The following GPC5 variants were observed in gnomAD, a reference collection of about 807,000 sequenced individuals.
GPC5 encodes the protein glypican-5.
A neutral mutation model predicts 53.9 loss-of-function variants in GPC5; 47 were observed. That is an observed-to-expected ratio of 0.87 (90% CI 0.69 to 1.11). The LOEUF (loss-of-function observed/expected upper bound fraction) is 1.11. GPC5 is among the 50% of genes most tolerant of loss of function. The pLI is 0.00. For synonymous variants in GPC5, 286 were observed against 263.3 expected (o/e 1.09, Z -0.84); for missense variants, 748 against 713.1 (o/e 1.05, Z -0.56).
chr13:92,786,152 A>G (rs1566417878), intron 7 of GPC5, among the ~76,000 whole-genome samples: 1 of 152,178 alleles, frequency 6.6e-6, no homozygotes, highest in Non-Finnish European at 1.5e-5. Context: ...AAATCTTTAT[A>G]TTGCTAAGCC....
At chr13:91,558,711 C>T (rs2031092206) in intron 2 of GPC5, among the ~76,000 whole-genome samples, 1 of 152,032 alleles carries the variant, frequency 6.6e-6, no homozygotes, top group African/African-American at 2.4e-5. Flanking sequence ...TACGTTGAGA[C>T]TGTTGCCGTC....
At chr13:92,404,320 G>A (rs1313860504) in intron 7 of GPC5, among the ~76,000 whole-genome samples, 1 of 152,142 alleles carries the variant, frequency 6.6e-6, no homozygotes, top group Non-Finnish European at 1.5e-5. Flanking sequence ...TAGTCATGTT[G>A]ACGTCTGTGT....
At chr13:91,660,630 A>T (rs888926211) in intron 2 of GPC5, among the ~76,000 whole-genome samples, 3 of 152,234 alleles carry the variant, frequency 2.0e-5, no homozygotes, top group Non-Finnish European at 2.9e-5. Flanking sequence ...TTGCAGCAAT[A>T]GTTAACTAAT....
At chr13:92,261,204 A>G (rs2042764610) in intron 7 of GPC5, among the ~76,000 whole-genome samples, 2 of 152,162 alleles carry the variant, frequency 1.3e-5, no homozygotes. Flanking sequence ...ACTGAACACT[A>G]GTTACCAAAT....
intron 1 of GPC5, 62 bp from the exon 2 acceptor site, chr13:91,448,699 T>C (rs1880968179): frequency 1.3e-6 from 2 of 1,541,248 alleles, no homozygotes; most frequent in Admixed American, 1.9e-5. Context: ...ACGCCTGATA[T>C]ATAATATGTA....
At chr13:92,107,813 C>T (rs1011752291) in intron 6 of GPC5, among the ~76,000 whole-genome samples, 1 of 152,130 alleles carries the variant, frequency 6.6e-6, no homozygotes, top group Non-Finnish European at 1.5e-5. Context: ...TCAAGCTCTA[C>T]CTCATTACTA....
chr13:92,433,558 G>C (rs986653600), intron 7 of GPC5, among the ~76,000 whole-genome samples: 1 of 152,168 alleles, frequency 6.6e-6, no homozygotes, highest in Non-Finnish European at 1.5e-5. Context: ...GTATGGAGGA[G>C]CAGACAGTTG....
At chr13:92,337,033 C>T (rs182340524) in intron 7 of GPC5, among the ~76,000 whole-genome samples, 38 of 152,210 alleles carry the variant, frequency 2.5e-4, no homozygotes, top group Non-Finnish European at 5.6e-4. Context: ...TCAGTTATCT[C>T]CCACTGGGTC....
At chr13:91,408,083 T>C (rs1472493460) in intron 1 of GPC5, among the ~76,000 whole-genome samples, 1 of 152,106 alleles carries the variant, frequency 6.6e-6, no homozygotes, top group Non-Finnish European at 1.5e-5. Flanking sequence ...TTCACTCTCT[T>C]AGCATTTTTC....
At chr13:91,422,924 G>C (rs754619456) in intron 1 of GPC5, among the ~76,000 whole-genome samples, 1 of 152,198 alleles carries the variant, frequency 6.6e-6, no homozygotes, top group Non-Finnish European at 1.5e-5. Context: ...AAGGCCTCAT[G>C]TCTTAATACT....
chr13:92,069,980 A>G (rs1057397853), intron 6 of GPC5, among the ~76,000 whole-genome samples: 1 of 152,186 alleles, frequency 6.6e-6, no homozygotes, highest in African/African-American at 2.4e-5. Flanking sequence ...ATCATGAATC[A>G]TATTAAAAGG....
chr13:91,402,319 T>C (rs1447331511), intron 1 of GPC5, among the ~76,000 whole-genome samples: 2 of 152,212 alleles, frequency 1.3e-5, no homozygotes, highest in African/African-American at 4.8e-5. Flanking sequence ...AAAAATAAAC[T>C]CTTGACATGG....
intron 5 of GPC5, among the ~76,000 whole-genome samples, chr13:91,792,688 T>C (rs2037985654): frequency 6.6e-6 from 1 of 152,192 alleles, no homozygotes; most frequent in Non-Finnish European, 1.5e-5. Context: ...TTAGGTTAGG[T>C]CAGCTGTTTC....
At chr13:92,749,532 T>C (rs147557854) in intron 7 of GPC5, among the ~76,000 whole-genome samples, 25 of 152,264 alleles carry the variant, frequency 1.6e-4, no homozygotes, top group Middle Eastern at 6.8e-3. Flanking sequence ...ATTAAATGAA[T>C]ATATCATTTA....
At chr13:91,403,988 A>C (rs1357740819) in intron 1 of GPC5, among the ~76,000 whole-genome samples, 1 of 152,174 alleles carries the variant, frequency 6.6e-6, no homozygotes, top group Non-Finnish European at 1.5e-5. Context: ...CGAGTGTCCA[A>C]CATCCTATAG....
rs151037277 is a variant in GPC5, at chr13:92,268,588, G to A, written c.1561+123599G>A. ...TATTTAGGTAATATCTTTTTTTTTT[G>A]CTATTATACACGCTCATAAAAAACT... On this transcript the variant is annotated intron_variant, in intron 7 of 7. Coordinates refer to ENST00000377067, the MANE Select transcript of GPC5 (RefSeq NM_004466.6). 2.9e-3 allele frequency among the ~76,000 whole-genome samples: 424 copies of A among 147,482 alleles called. 2 individuals carry two copies. Among genetic ancestry groups the A allele is most frequent in the African/African-American group, 9.8e-3 (395 of 40,246 alleles).
chr13:92,311,244 T>C (rs770516988), intron 7 of GPC5, among the ~76,000 whole-genome samples: 8 of 152,184 alleles, frequency 5.3e-5, no homozygotes, highest in Admixed American at 3.9e-4. Flanking sequence ...TTATTCAAAC[T>C]ATTTTTCAAG....
intron 7 of GPC5, among the ~76,000 whole-genome samples, chr13:92,568,325 A>G (rs1476453062): frequency 6.6e-6 from 1 of 152,216 alleles, no homozygotes; most frequent in Admixed American, 6.5e-5. Flanking sequence ...TAGACAGTTC[A>G]CCATACTTAG....
At chr13:91,704,404 C>A (rs879670763) in intron 3 of GPC5, among the ~76,000 whole-genome samples, 9 of 152,202 alleles carry the variant, frequency 5.9e-5, no homozygotes, top group Non-Finnish European at 8.8e-5. Flanking sequence ...CCACCCCCGC[C>A]ACAGAGCATT....
Sources: allele counts gnomAD v4.1 joint callset (sites outside exome capture counted in the v4.1 genomes callset), GRCh38; gene constraint gnomAD v4.1.1; transcripts MANE v1.5; gene names NCBI Gene and HGNC (gene_info 2026-07-23, HGNC 2026-07-21).